AEBP2: variants seen among roughly 807,000 people sequenced by gnomAD.
The protein encoded by AEBP2 is AE binding protein 2, also known as zinc finger protein AEBP2.
AEBP2 carries 10 observed loss-of-function variants against 50.8 expected under a neutral mutation model. The ratio of observed to expected loss-of-function variants is 0.20; its 90% CI spans 0.12 to 0.33. The LOEUF (loss-of-function observed/expected upper bound fraction) is 0.33. Among genes scored for constraint, AEBP2 ranks in the 10% least tolerant of loss-of-function variants. The pLI is 1.00. For synonymous variants in AEBP2, 296 were observed against 261.3 expected, an observed-to-expected ratio of 1.13 and a Z score of -1.28; for missense variants, 570 against 688.0, an observed-to-expected ratio of 0.83 and a Z score of 1.92.
At position 19,415,823 on chromosome 12, in the gene AEBP2, C is replaced by T. The variant is rs528780752; in HGVS notation, c.-17+11607C>T. Among the ~76,000 whole-genome samples the T allele has an allele frequency of 3.3e-5, 5 of 152,268 alleles. 1 individual carries two copies. The highest frequency in any genetic ancestry group is 1.2e-4 in the African/African-American group (5 of 41,552). On this transcript the variant is annotated intron_variant, in intron 1 of 3. Transcript: ENST00000538425. ...TTTTCAGCTAAATCCCTTAAGCAGT[C>T]TCTGGCCAAGAACACTAGAGGATTC... is the stretch of plus-strand genomic sequence containing the variant.
chr12:19,439,736 G>A lies in AEBP2; in HGVS notation c.37G>A (p.Glu13Lys), dbSNP rs1299625752. The A allele has an allele frequency of 3.9e-6, 6 of 1,519,440 alleles. No homozygotes were observed. The highest frequency in any genetic ancestry group is 4.4e-6 in the Non-Finnish European group (5 of 1,139,988). 94.1% of individuals were successfully genotyped at this position (1,519,440 alleles called of 1,614,324 possible). The change falls in exon 1 of 8, where the codon GAG (glutamate) becomes AAG (lysine). Residue 13 changes from glutamate to lysine, a missense_variant. By Grantham distance (56) the Glu-to-Lys change is moderately conservative. This residue lies in a region of AEBP2 where 386 missense variants were observed against 336.8 expected (regional missense o/e 1.15). Transcript: ENST00000266508. ...TATCACCGACATGGCCGACCTGGAGGAGCTCTCCCGCCTGAGCCCTCTGCC... is the reference window on the plus strand; with the variant it reads ...TATCACCGACATGGCCGACCTGGAGAAGCTCTCCCGCCTGAGCCCTCTGCC... Reference protein sequence around the residue: ...AAITDMADLEELSRLSPLPPG... With the variant: ...AAITDMADLEKLSRLSPLPPG...
Position 19,519,830 on chromosome 12 carries a change from A to C in AEBP2, c.*1713A>C, listed in dbSNP as rs11044636. 3,278 of 152,536 alleles carry C rather than the reference A, an allele frequency of 0.021. 43 individuals are homozygous for C. The highest frequency in any genetic ancestry group is 0.043 in the East Asian group (222 of 5,186). 9.4% of individuals were successfully genotyped at this position (152,536 alleles called of 1,614,324 possible). ...GGGGTAAAGAGCTATATACATGAAA[A>C]TGAGTCTTATAAAATTAAGTGAAGT... is the stretch of plus-strand genomic sequence containing the variant. On this transcript the variant is annotated 3_prime_UTR_variant, in exon 8 of 8. Coordinates refer to ENST00000266508, the MANE Select transcript of AEBP2 (RefSeq NM_153207.5).
At chr12:19,441,199 C>T (rs1411429171) in intron 1 of AEBP2, among the ~76,000 whole-genome samples, 1 of 151,862 alleles carries the variant, frequency 6.6e-6, no homozygotes, top group Non-Finnish European at 1.5e-5. Flanking sequence ...GGAGAGGTCT[C>T]GGAAGGAATG....
chr12:19,420,991 A>G (rs1054874634), intron 1 of AEBP2, among the ~76,000 whole-genome samples: 2 of 152,130 alleles, frequency 1.3e-5, no homozygotes, highest in African/African-American at 2.4e-5. Context: ...AGATTCAGAA[A>G]ATCTTCTCAG....
chr12:19,518,666 CT>C lies in AEBP2; in HGVS notation c.*553del. On this transcript the variant is annotated 3_prime_UTR_variant, in exon 8 of 8. Coordinates refer to ENST00000266508, the MANE Select transcript of AEBP2 (RefSeq NM_153207.5). ...GATGTGATTGGTTGCCATTTGTGTT[CT>C]TTTGCAGAACTCTGATAAGAAAAGT... 2.0e-6 allele frequency: 3 copies of C among 1,469,672 alleles called. No individual in the cohort carries two copies. The highest frequency in any genetic ancestry group is 1.8e-6 in the Non-Finnish European group (2 of 1,089,762). The allele number at this position is 1,469,672 out of a possible 1,614,324, so 91.0% of individuals were successfully genotyped here.
chr12:19,451,573 G>T (rs149521992), intron 1 of AEBP2, among the ~76,000 whole-genome samples: 117 of 152,238 alleles, frequency 7.7e-4, no homozygotes, highest in African/African-American at 2.7e-3. Flanking sequence ...CATCACTTCT[G>T]CAGTAGTCTC....
At chr12:19,452,424 T>G (rs867902239) in intron 1 of AEBP2, among the ~76,000 whole-genome samples, 1 of 152,252 alleles carries the variant, frequency 6.6e-6, no homozygotes, top group Non-Finnish European at 1.5e-5. Flanking sequence ...TGCTATTTTA[T>G]ATAGTAGGTT....
chr12:19,481,226 G>A (rs564283016), intron 3 of AEBP2, among the ~76,000 whole-genome samples: 6 of 147,200 alleles, frequency 4.1e-5, no homozygotes, highest in African/African-American at 1.2e-4. Context: ...TCATCCTCCC[G>A]AGTAACTGGG....
intron 1 of AEBP2, among the ~76,000 whole-genome samples, chr12:19,445,001 C>A (rs1185817218): frequency 6.8e-6 from 1 of 146,672 alleles, no homozygotes; most frequent in Non-Finnish European, 1.5e-5. Flanking sequence ...TAGCTGGGAC[C>A]ACAGGCACCT....
chr12:19,413,069 G>C, intron 1 of AEBP2: 1 of 551,968 alleles, frequency 1.8e-6, no homozygotes, highest in Non-Finnish European at 3.3e-6. Context: ...TCCAAGCACA[G>C]TCTCAGCTTT....
At chr12:19,492,172 A>G (rs1159595130) in intron 3 of AEBP2, among the ~76,000 whole-genome samples, 1 of 152,252 alleles carries the variant, frequency 6.6e-6, no homozygotes, top group African/African-American at 2.4e-5. Flanking sequence ...AAAACTAAGT[A>G]AATTGGTTAA....
chr12:19,512,237 G>T (rs751687378), intron 5 of AEBP2, among the ~76,000 whole-genome samples, 161 bp from the exon 6 acceptor site: 2 of 152,100 alleles, frequency 1.3e-5, no homozygotes, highest in African/African-American at 4.8e-5. Context: ...GGCCAAGCTG[G>T]TCTCAAACTC....
intron 2 of AEBP2, among the ~76,000 whole-genome samples, chr12:19,469,673 C>A (rs1277122400): frequency 6.6e-6 from 1 of 152,152 alleles, no homozygotes; most frequent in Non-Finnish European, 1.5e-5. Context: ...GGTTTGAAAT[C>A]TGTCTTCTAG....
intron 1 of AEBP2, among the ~76,000 whole-genome samples, chr12:19,455,240 G>A (rs1029564430): frequency 6.6e-6 from 1 of 151,636 alleles, no homozygotes; most frequent in African/African-American, 2.4e-5. Context: ...AAATCCTCCC[G>A]CTCCAGCCTC....
At position 19,462,650 on chromosome 12, in the gene AEBP2, G is replaced by T. The variant is rs888315987; in HGVS notation, c.812G>T (p.Cys271Phe). 2 of 1,613,994 alleles carry T rather than the reference G, an allele frequency of 1.2e-6. No individual in the cohort carries two copies. Reference protein sequence around the residue: ...YNCCWDQCQACFNSSPDLADH... With the variant: ...YNCCWDQCQAFFNSSPDLADH... ...TGTTGTTGGGACCAGTGCCAGGCTT[G>T]CTTCAACTCTAGCCCAGATCTGGCA... Residue 271 changes from cysteine to phenylalanine, a missense_variant, in exon 2 of 8, where the codon TGC (cysteine) becomes TTC (phenylalanine). Cys to Phe is a radical substitution (Grantham distance 205, BLOSUM62 -2). Coordinates refer to ENST00000266508, the MANE Select transcript of AEBP2 (RefSeq NM_153207.5).
At chr12:19,499,146 C>T (rs1949028413) in intron 4 of AEBP2, among the ~76,000 whole-genome samples, 1 of 152,144 alleles carries the variant, frequency 6.6e-6, no homozygotes, top group African/African-American at 2.4e-5. Context: ...TTACATTTTA[C>T]AAATAATCCA....
rs981360132 is a variant in AEBP2, at chr12:19,519,966, GTTTTC to G, written c.*1854_*1858del. The stretch of plus-strand genomic sequence containing the variant: ...TTATTTTTAAAAAGAAAAGCAGTGT[GTTTTC>G]TTTTTTTGTTGTTTTCTTTTGCTTA... On this transcript the variant is annotated 3_prime_UTR_variant, in exon 8 of 8. Coordinates refer to ENST00000266508, the MANE Select transcript of AEBP2 (RefSeq NM_153207.5). 17 of 152,456 alleles carry G rather than the reference GTTTTC, an allele frequency of 1.1e-4. No individual in the cohort carries two copies. The highest frequency in any genetic ancestry group is 3.3e-4 in the Admixed American group (5 of 15,278). 9.4% of individuals were successfully genotyped at this position (152,456 alleles called of 1,614,324 possible).
chr12:19,480,124 A>G (rs1948705899), intron 3 of AEBP2, among the ~76,000 whole-genome samples: 1 of 151,840 alleles, frequency 6.6e-6, no homozygotes, highest in African/African-American at 2.4e-5. Flanking sequence ...TGTTTTTGTC[A>G]TGGAGTCTCA....
intron 6 of AEBP2, among the ~76,000 whole-genome samples, chr12:19,514,149 G>A (rs1482947416): frequency 2.0e-5 from 3 of 151,812 alleles, no homozygotes; most frequent in South Asian, 2.1e-4. Context: ...ACAGGTGTGC[G>A]CCACCATGCC....
Sources: gnomAD v4.1 joint callset for allele counts (sites outside exome capture counted in the v4.1 genomes callset) on GRCh38, gnomAD v4.1.1 for gene constraint, gnomAD v4.1.1 regional missense constraint, MANE v1.5 for transcripts, NCBI Gene and HGNC (gene_info 2026-07-23, HGNC 2026-07-21) for gene names.